Variants in CALCOCO2 observed in about 807,000 individuals in gnomAD.
CALCOCO2 encodes the protein calcium-binding and coiled-coil domain-containing protein 2.
CALCOCO2 carries 42 observed loss-of-function variants against 62.5 expected under a neutral mutation model. The observed-to-expected ratio is 0.67, with a 90% CI of 0.53 to 0.87. The LOEUF (loss-of-function observed/expected upper bound fraction) is 0.87, where lower values mean the gene tolerates loss of function less well. Ranked by LOEUF, CALCOCO2 falls within the 40% of genes least tolerant of loss-of-function variation. The pLI, the probability that CALCOCO2 is intolerant of heterozygous loss-of-function variation, is 0.00. For synonymous variants in CALCOCO2, 167 were observed against 173.0 expected, an observed-to-expected ratio of 0.97 and a Z score of 0.27; for missense variants, 456 against 515.0, an observed-to-expected ratio of 0.89 and a Z score of 1.11.
intron 5 of CALCOCO2, among the ~76,000 whole-genome samples, chr17:48,849,656 C>G (rs2040100415): frequency 6.6e-6 from 1 of 151,946 alleles, no homozygotes; most frequent in African/African-American, 2.4e-5. Context: ...CAGGTGATCA[C>G]CACCACACCC....
intron 9 of CALCOCO2, among the ~76,000 whole-genome samples, chr17:48,854,657 C>T (rs866484849): frequency 6.6e-6 from 1 of 151,330 alleles, no homozygotes; most frequent in Middle Eastern, 3.4e-3. Flanking sequence ...CCACCCACCT[C>T]GGCCTCCCAA....
chr17:48,833,855 A>G (rs1172895881), intron 1 of CALCOCO2, among the ~76,000 whole-genome samples: 1 of 152,084 alleles, frequency 6.6e-6, no homozygotes, highest in East Asian at 1.9e-4. Context: ...TAGGCTGGGC[A>G]CGGTAGCTCA....
At chr17:48,849,706 G>A (rs565235607) in intron 5 of CALCOCO2, among the ~76,000 whole-genome samples, 27 of 152,080 alleles carry the variant, frequency 1.8e-4, no homozygotes, top group Middle Eastern at 3.4e-3. Flanking sequence ...GTTTTACCAT[G>A]TTGGCCAGGC....
intron 11 of CALCOCO2, among the ~76,000 whole-genome samples, chr17:48,861,178 G>A (rs574020046): frequency 8.1e-4 from 124 of 152,192 alleles, no homozygotes; most frequent in African/African-American, 2.9e-3. Flanking sequence ...GACAAGCGTG[G>A]CTAACGTGGT....
intron 2 of CALCOCO2, among the ~76,000 whole-genome samples, chr17:48,844,233 C>A (rs1014202706): frequency 6.6e-6 from 1 of 152,070 alleles, no homozygotes; most frequent in Non-Finnish European, 1.5e-5. Context: ...GTTTAAATAG[C>A]TTCATGTGGC....
rs1266014289 is a variant in CALCOCO2 at position 48,856,076 on chromosome 17, T to C, written c.913-16T>C. The C allele has an allele frequency of 7.0e-7, 1 of 1,423,384 alleles. No individual in the cohort carries two copies. Among genetic ancestry groups the C allele is most frequent in the South Asian group, 1.2e-5 (1 of 84,826 alleles). 88.2% of individuals were successfully genotyped at this position (1,423,384 alleles called of 1,614,324 possible). Reference sequence around the variant, plus strand: ...CAATATGTGATCCTAATCCTAATTTTTTTTATTGTTGACAGGATGAAAACT... The same window carrying C: ...CAATATGTGATCCTAATCCTAATTTCTTTTATTGTTGACAGGATGAAAACT... On this transcript the variant is annotated splice_polypyrimidine_tract_variant and intron_variant, in intron 9 of 12. Coordinates refer to ENST00000258947, the MANE Select transcript of CALCOCO2 (RefSeq NM_005831.5).
chr17:48,851,103 C>T lies in CALCOCO2; in HGVS notation c.558C>T (p.Thr186=). 1 of 1,601,742 alleles carries T rather than the reference C, an allele frequency of 6.2e-7. No individual in the cohort carries two copies. Among genetic ancestry groups the T allele is most frequent in the East Asian group, 2.2e-5 (1 of 44,786 alleles). ...ELQKKQEELE[T]LQSINKKLEL... is the part of the protein sequence containing the mutation. ...TCAATCTATAGGAGGAGCTAGAAAC[C>T]CTACAGAGCATCAATAAGAAGTTGG... The change falls in exon 6 of 13, where the codon ACC becomes ACT. Residue 186 remains threonine (T), a synonymous_variant. Transcript: ENST00000258947.
intron 10 of CALCOCO2, among the ~76,000 whole-genome samples, chr17:48,859,402 C>T (rs1346079323): frequency 1.3e-5 from 2 of 152,010 alleles, no homozygotes; most frequent in Non-Finnish European, 2.9e-5. Context: ...AGTTTGAAAC[C>T]AGCCTGGGCA....
At chr17:48,848,790 A>G in intron 4 of CALCOCO2, 2 of 504,558 alleles carry the variant, frequency 4.0e-6, no homozygotes, top group South Asian at 3.1e-5. Flanking sequence ...AAATATTCTT[A>G]TCTCTTTCAG....
chr17:48,853,530 T>C (rs924684349), intron 9 of CALCOCO2, among the ~76,000 whole-genome samples: 8 of 152,238 alleles, frequency 5.3e-5, no homozygotes, highest in East Asian at 1.9e-4. Flanking sequence ...GTTTACTTAG[T>C]TGATCCAAGG....
intron 1 of CALCOCO2, among the ~76,000 whole-genome samples, chr17:48,835,319 A>C (rs879329436): frequency 6.6e-6 from 1 of 152,196 alleles, no homozygotes; most frequent in Non-Finnish European, 1.5e-5. Flanking sequence ...CTTTGTGTCC[A>C]CAGCTTGGTA....
chr17:48,852,981 C>T lies in CALCOCO2; in HGVS notation c.881C>T (p.Thr294Ile), dbSNP rs112308313. 1 of 1,613,192 alleles carries T rather than the reference C, an allele frequency of 6.2e-7. No individual in the cohort carries two copies. Among genetic ancestry groups the T allele is most frequent in the Non-Finnish European group, 8.5e-7 (1 of 1,179,186 alleles). ...QTVEQMKQNE[T>I]TAMKKQQELM... Reference sequence around the variant, plus strand: ...GTGGAGCAAATGAAGCAGAATGAAACTACTGCAATGAAGAAACAACAGGAA... The same window carrying T: ...GTGGAGCAAATGAAGCAGAATGAAATTACTGCAATGAAGAAACAACAGGAA... The change falls in exon 9 of 13, where the codon ACT becomes ATT. Residue 294 changes from threonine to isoleucine, a missense_variant. Thr to Ile is a moderately conservative substitution (Grantham distance 89). Around this residue, in one of 3 missense-constraint regions of CALCOCO2, gnomAD observed 172 missense variants for 210.3 expected, o/e 0.82. Transcript: ENST00000258947.
rs2040350340 is a variant in CALCOCO2, at chr17:48,863,038, T to C, written c.*33T>C. ...AACCTCTTGGATGTATACAGAGATT[T>C]TATAGAATAGAACCTATAGCTTCTA... is the stretch of plus-strand genomic sequence containing the variant. On this transcript the variant is annotated 3_prime_UTR_variant, in exon 13 of 13. Coordinates refer to ENST00000258947, the MANE Select transcript of CALCOCO2 (RefSeq NM_005831.5). 6.7e-7 allele frequency: 1 copy of C among 1,489,364 alleles called. No individual in the cohort carries two copies. Among genetic ancestry groups the C allele is most frequent in the East Asian group, 2.3e-5 (1 of 44,284 alleles). The allele number at this position is 1,489,364 out of a possible 1,614,324, so 92.3% of individuals were successfully genotyped here.
rs200456722 is a variant in CALCOCO2, at chr17:48,851,545, C to T, written c.633-14C>T. 6.6e-7 allele frequency: 1 copy of T among 1,513,216 alleles called. No homozygotes were observed. Among genetic ancestry groups the T allele is most frequent in the East Asian group, 2.3e-5 (1 of 44,436 alleles). The allele number at this position is 1,513,216 out of a possible 1,614,324, so 93.7% of individuals were successfully genotyped here. A position where few individuals can be genotyped will look rare whatever the true frequency, so the allele number is the denominator to read the frequency against. On this transcript the variant is annotated splice_polypyrimidine_tract_variant and intron_variant, in intron 6 of 12. Coordinates refer to ENST00000258947, the MANE Select transcript of CALCOCO2 (RefSeq NM_005831.5). ...ATCAGTGAATTTTTCACATAGTTAT[C>T]TCCACCTCTACAGACTGAAAGAACA...
intron 1 of CALCOCO2, among the ~76,000 whole-genome samples, chr17:48,838,704 ACT>A (rs1184045093): frequency 1.3e-5 from 2 of 151,842 alleles, no homozygotes; most frequent in African/African-American, 4.8e-5. Flanking sequence ...ACAAAGCGAG[ACT>A]CTGTCTTAAA....
chr17:48,859,932 A>G (rs909417773), intron 10 of CALCOCO2, among the ~76,000 whole-genome samples: 2 of 152,074 alleles, frequency 1.3e-5, no homozygotes, highest in Non-Finnish European at 2.9e-5. Context: ...CGTCTCTACT[A>G]AAAATACAGA....
chr17:48,859,127 T>C (rs7224263), intron 10 of CALCOCO2, among the ~76,000 whole-genome samples: 15,917 of 151,008 alleles, frequency 0.11, 1,491 homozygotes, highest in African/African-American at 0.25. Context: ...TATTTTCTTT[T>C]TCCTAAGAAC....
rs1195779496 is a variant in CALCOCO2 at position 48,863,266 on chromosome 17, C to CA, written c.*262dup. The CA allele has an allele frequency of 2.4e-6, 1 of 417,476 alleles. No homozygotes were observed. The highest frequency in any genetic ancestry group is 2.0e-5 in the African/African-American group (1 of 48,970). The allele number at this position is 417,476 out of a possible 1,614,324, so 25.9% of individuals were successfully genotyped here. On this transcript the variant is annotated 3_prime_UTR_variant, in exon 13 of 13. Transcript: ENST00000258947. ...TCACCTGTCATTCTTCTGAGGGTCTCAGTACAAGGGCCCTGGGATGGAGCC... is the reference window on the plus strand; with the variant it reads ...TCACCTGTCATTCTTCTGAGGGTCTCAAGTACAAGGGCCCTGGGATGGAGCC...
intron 10 of CALCOCO2, among the ~76,000 whole-genome samples, chr17:48,857,496 C>CTTTTTTTTTTTTTTTTTTTT: frequency 5.7e-5 from 1 of 17,648 alleles, no homozygotes; most frequent in African/African-American, 9.3e-5. Context: ...TGCACCCGGC[C>CTTTTTTTTTTTTTTTTTTTT]CTTTTTTTTT....
Sources: gnomAD v4.1 joint callset for allele counts (sites outside exome capture counted in the v4.1 genomes callset) on GRCh38, gnomAD v4.1.1 for gene constraint, gnomAD v4.1.1 regional missense constraint, MANE v1.5 for transcripts, NCBI Gene and HGNC (gene_info 2026-07-23, HGNC 2026-07-21) for gene names.